The following ZFAT variants were observed in gnomAD, a reference collection of about 807,000 sequenced individuals.
The protein encoded by ZFAT is zinc finger protein ZFAT.
Under a neutral mutation model 117.7 loss-of-function variants are expected in ZFAT, and 64 were observed. The observed-to-expected ratio is 0.54, with a 90% CI of 0.44 to 0.67. ZFAT has a LOEUF of 0.67. Among genes scored for constraint, ZFAT ranks in the 30% least tolerant of loss-of-function variants. The pLI is 0.00. For missense variants in ZFAT, 1,433 were observed against 1,584.5 expected (o/e 0.90, Z 1.62); for synonymous variants, 679 against 615.0 (o/e 1.10, Z -1.54).
rs140972761 is a variant in ZFAT at position 134,589,721 on chromosome 8, G to C, written c.2563+547C>G. Among the ~76,000 whole-genome samples the C allele has an allele frequency of 6.1e-3, 927 of 152,350 alleles. 4 individuals are homozygous for C. The highest frequency in any genetic ancestry group is 0.01 in the Non-Finnish European group (693 of 68,028). ...AAAGCCTCCCCAGAGGCAGGGCTCT[G>C]AGGAAGAATGCAAAGAATGAACAGG... On this transcript the variant is annotated intron_variant, in intron 8 of 15. Transcript: ENST00000377838.
chr8:134,510,612 C>T (rs1451342972), intron 14 of ZFAT: 3 of 163,212 alleles, frequency 1.8e-5, no homozygotes, highest in African/African-American at 7.2e-5. Flanking sequence ...CGCCGGCACC[C>T]CCAAACACAT....
At chr8:134,562,131 GT>G (rs1301200364) in intron 11 of ZFAT, among the ~76,000 whole-genome samples, 1 of 152,204 alleles carries the variant, frequency 6.6e-6, no homozygotes, top group Non-Finnish European at 1.5e-5. Context: ...AGGAGACATG[GT>G]GAGAGATGCC....
chr8:134,571,293 AG>A (rs1323899757), intron 10 of ZFAT, among the ~76,000 whole-genome samples: 1 of 152,236 alleles, frequency 6.6e-6, no homozygotes, highest in Non-Finnish European at 1.5e-5. Flanking sequence ...GGCCTCTGTG[AG>A]GAAGTGACGT....
the ZFAT span, among the ~76,000 whole-genome samples, chr8:134,760,516 G>C: frequency 2.0e-5 from 3 of 152,190 alleles, no homozygotes; most frequent in African/African-American, 7.2e-5. Flanking sequence ...CAGAAGACTA[G>C]ATAAAATTGT....
chr8:134,615,582 T>G (rs1259630090), intron 3 of ZFAT, among the ~76,000 whole-genome samples: 1 of 152,134 alleles, frequency 6.6e-6, no homozygotes, highest in Non-Finnish European at 1.5e-5. Context: ...CTCACTCTTC[T>G]CACTCCCCAC....
intron 10 of ZFAT, among the ~76,000 whole-genome samples, chr8:134,570,485 T>A (rs1042334240): frequency 6.6e-6 from 1 of 152,136 alleles, no homozygotes; most frequent in Non-Finnish European, 1.5e-5. Context: ...GATTTTGGGT[T>A]TGGGCTTTGG....
chr8:134,776,520 G>A, the ZFAT span, among the ~76,000 whole-genome samples: 1 of 152,056 alleles, frequency 6.6e-6, no homozygotes, highest in Non-Finnish European at 1.5e-5. Context: ...CCGAGGCTTC[G>A]TTTTTTGTTG....
the ZFAT span, among the ~76,000 whole-genome samples, chr8:134,782,168 T>C: frequency 6.6e-6 from 1 of 152,250 alleles, no homozygotes; most frequent in African/African-American, 2.4e-5. Flanking sequence ...AGGCAATGCT[T>C]TGTTATTTGT....
At chr8:134,720,824 A>C in the ZFAT span, among the ~76,000 whole-genome samples, 1 of 152,240 alleles carries the variant, frequency 6.6e-6, no homozygotes. Context: ...CTGCTGCCAA[A>C]GTGAGTAAAA....
At chr8:134,577,363 C>T (rs555511852) in intron 10 of ZFAT, among the ~76,000 whole-genome samples, 3 of 152,294 alleles carry the variant, frequency 2.0e-5, no homozygotes, top group African/African-American at 4.8e-5. Flanking sequence ...ATTGGATTCA[C>T]AAGTAGTTAG....
chr8:134,533,084 C>CCAT, intron 11 of ZFAT, 112 bp from the exon 12 acceptor site: 1 of 1,429,978 alleles, frequency 7.0e-7, no homozygotes, highest in Non-Finnish European at 9.4e-7. Context: ...TGAGCAGGCC[C>CCAT]CATCACCTGT....
At chr8:134,734,186 C>T in the ZFAT span, among the ~76,000 whole-genome samples, 30 of 152,306 alleles carry the variant, frequency 2.0e-4, no homozygotes, top group African/African-American at 7.2e-4. Context: ...GCTGCTCTCC[C>T]CCACTTCAGG....
chr8:134,522,193 G>A (rs1449706447), intron 12 of ZFAT, among the ~76,000 whole-genome samples: 2 of 152,206 alleles, frequency 1.3e-5, no homozygotes, highest in African/African-American at 2.4e-5. Flanking sequence ...TGCCAGGCCC[G>A]GGCAGGGCAG....
Position 134,537,586 on chromosome 8 carries a change from A to C in ZFAT, c.2977-4614T>G, listed in dbSNP as rs143476783. Among the ~76,000 whole-genome samples, 108 of 152,310 alleles carry C rather than the reference A, an allele frequency of 7.1e-4. 1 individual carries two copies. The highest frequency in any genetic ancestry group is 2.4e-3 in the African/African-American group (101 of 41,560). ...TGTGTGCTGGGTCAGGAAAGTAATG[A>C]CAGAAAATGGGAGCCCCTGGTAGGT... On this transcript the variant is annotated intron_variant, in intron 11 of 15. Coordinates refer to ENST00000377838, the MANE Select transcript of ZFAT (RefSeq NM_020863.4).
At chr8:134,571,337 C>T (rs1470998369) in intron 10 of ZFAT, among the ~76,000 whole-genome samples, 3 of 152,292 alleles carry the variant, frequency 2.0e-5, no homozygotes, top group Admixed American at 1.3e-4. Context: ...GAGGACCAGC[C>T]GCATGAGGAA....
At chr8:134,650,938 T>A (rs1187596355) in intron 2 of ZFAT, among the ~76,000 whole-genome samples, 2 of 152,240 alleles carry the variant, frequency 1.3e-5, no homozygotes. Flanking sequence ...ATGCTTAACA[T>A]CATTAATCAT....
At chr8:134,522,947 A>G (rs577828428) in intron 12 of ZFAT, among the ~76,000 whole-genome samples, 10 of 152,284 alleles carry the variant, frequency 6.6e-5, no homozygotes, top group African/African-American at 2.2e-4. Context: ...GTACTATACA[A>G]TTCTGTCCCT....
chr8:134,521,856 G>A (rs1221507703), intron 12 of ZFAT, among the ~76,000 whole-genome samples: 1 of 152,186 alleles, frequency 6.6e-6, no homozygotes, highest in African/African-American at 2.4e-5. Context: ...ACCCTGAGCT[G>A]GGCCAGGGGA....
chr8:134,707,992 A>G (rs1813850221), intron 1 of ZFAT, among the ~76,000 whole-genome samples: 1 of 151,884 alleles, frequency 6.6e-6, no homozygotes, highest in South Asian at 2.1e-4. Flanking sequence ...ACATATACAC[A>G]ACGGAATATT....
Sources: allele counts gnomAD v4.1 joint callset (sites outside exome capture counted in the v4.1 genomes callset), GRCh38; gene constraint gnomAD v4.1.1; transcripts MANE v1.5; gene names NCBI Gene and HGNC (gene_info 2026-07-23, HGNC 2026-07-21).